Variants in LUZP2 observed in about 807,000 individuals in gnomAD.
The protein encoded by LUZP2 is leucine zipper protein 2.
Under a neutral mutation model 51.6 loss-of-function variants are expected in LUZP2, and 52 were observed. That is an observed-to-expected ratio of 1.01 (90% CI 0.81 to 1.27). The LOEUF (loss-of-function observed/expected upper bound fraction) is 1.27, where lower values mean the gene tolerates loss of function less well. Among genes scored for constraint, LUZP2 ranks in the 50% most tolerant of loss-of-function variants. The probability of loss-of-function intolerance (pLI) is 0.00; values close to 1 mark genes in which losing one functional copy is unlikely to be tolerated. For synonymous variants in LUZP2, 154 were observed against 137.3 expected, an observed-to-expected ratio of 1.12 and a Z score of -0.85; for missense variants, 436 against 395.4, an observed-to-expected ratio of 1.10 and a Z score of -0.87.
At chr11:25,053,544 T>C (rs1230878385) in intron 10 of LUZP2, among the ~76,000 whole-genome samples, 1,040 of 32,958 alleles carry the variant, frequency 0.032, 8 homozygotes, top group African/African-American at 0.1. Context: ...CCACATGCCT[T>C]TTTTTTTTTT....
chr11:24,855,978 G>A (rs2220295), intron 5 of LUZP2, among the ~76,000 whole-genome samples: 148,364 of 152,244 alleles, frequency 0.97, 72,329 homozygotes, highest in Middle Eastern at 1. Flanking sequence ...AGACTTAAAT[G>A]TAAAACCTGT....
Position 24,658,484 on chromosome 11 carries a change from C to T in LUZP2, c.63-70685C>T, listed in dbSNP as rs1158513655. On this transcript the variant is annotated intron_variant, in intron 1 of 11. Coordinates refer to ENST00000336930, the MANE Select transcript of LUZP2 (RefSeq NM_001009909.4). The stretch of plus-strand genomic sequence containing the variant: ...AACCATAAAAACCCTAGAAGAAAAC[C>T]TAGGCAATACCATTCAGGACATAGG... Among the ~76,000 whole-genome samples, 6 of 152,170 alleles carry T rather than the reference C, an allele frequency of 3.9e-5. No homozygotes were observed. The East Asian group carries it at 7.7e-4, about 20-fold the overall frequency.
chr11:24,685,206 C>T (rs1384052633), intron 1 of LUZP2, among the ~76,000 whole-genome samples: 1 of 152,086 alleles, frequency 6.6e-6, no homozygotes, highest in Non-Finnish European at 1.5e-5. Context: ...ACTTCCAAAG[C>T]CAACTTTCTT....
chr11:24,740,899 T>C (rs751977678), intron 4 of LUZP2, among the ~76,000 whole-genome samples: 19 of 152,190 alleles, frequency 1.2e-4, no homozygotes, highest in Non-Finnish European at 2.1e-4. Flanking sequence ...GCATGCACTG[T>C]TGAGCAGAAG....
At position 24,715,384 on chromosome 11, in the gene LUZP2, A is replaced by G. The variant is rs570261652; in HGVS notation, c.63-13785A>G. On this transcript the variant is annotated intron_variant, in intron 1 of 11. Coordinates refer to ENST00000336930, the MANE Select transcript of LUZP2 (RefSeq NM_001009909.4). ...ATTCATATTCTATAGGAAGTAATTC[A>G]AATTTCTGACCATGCCCTTCAAGAG... Among the ~76,000 whole-genome samples, 17 of 152,008 alleles carry G rather than the reference A, an allele frequency of 1.1e-4. No individual in the cohort carries two copies. In the South Asian group the frequency reaches 3.1e-3, roughly 28 times the overall value.
At chr11:24,580,164 T>G (rs1029497718) in intron 1 of LUZP2, among the ~76,000 whole-genome samples, 1 of 152,128 alleles carries the variant, frequency 6.6e-6, no homozygotes, top group Non-Finnish European at 1.5e-5. Context: ...TACAATGTAA[T>G]CCACAGATGT....
intron 5 of LUZP2, among the ~76,000 whole-genome samples, chr11:24,896,597 C>T (rs373563332): frequency 2.2e-4 from 33 of 152,256 alleles, no homozygotes; most frequent in East Asian, 1.7e-3. Context: ...CATGGGATAC[C>T]GCATGGCCCC....
intron 4 of LUZP2, among the ~76,000 whole-genome samples, chr11:24,755,446 G>C (rs57808317): frequency 0.082 from 12,521 of 152,122 alleles, 866 homozygotes; most frequent in East Asian, 0.42. Flanking sequence ...TCTGAGCTTG[G>C]TTTCCCCTAA....
intron 9 of LUZP2, among the ~76,000 whole-genome samples, chr11:25,006,318 T>G (rs1363405484): frequency 6.6e-6 from 1 of 152,050 alleles, no homozygotes; most frequent in African/African-American, 2.4e-5. Context: ...AGGGTCAGGA[T>G]AGATAGGATA....
At chr11:24,512,340 T>TC (rs1009240802) in intron 1 of LUZP2, among the ~76,000 whole-genome samples, 1 of 151,918 alleles carries the variant, frequency 6.6e-6, no homozygotes, top group African/African-American at 2.4e-5. Flanking sequence ...AAACCTTCAT[T>TC]TTTTTATAAA....
chr11:24,693,329 T>C (rs1166115316), intron 1 of LUZP2, among the ~76,000 whole-genome samples: 1 of 151,570 alleles, frequency 6.6e-6, no homozygotes, highest in East Asian at 1.9e-4. Flanking sequence ...CAGAGGCAGC[T>C]GATCTTTTTC....
chr11:24,900,431 A>C (rs1200591370), intron 5 of LUZP2, among the ~76,000 whole-genome samples: 1 of 152,128 alleles, frequency 6.6e-6, no homozygotes, highest in Non-Finnish European at 1.5e-5. Context: ...ACCTTGCAGC[A>C]TGTTTGTTTA....
intron 1 of LUZP2, among the ~76,000 whole-genome samples, chr11:24,554,559 T>C (rs182235371): frequency 5.9e-5 from 9 of 152,184 alleles, no homozygotes; most frequent in African/African-American, 2.2e-4. Context: ...CTAGATGTCC[T>C]TTCTATCTAC....
intron 5 of LUZP2, among the ~76,000 whole-genome samples, chr11:24,853,322 T>A (rs1851451509): frequency 6.6e-6 from 1 of 152,120 alleles, no homozygotes; most frequent in Non-Finnish European, 1.5e-5. Flanking sequence ...AGTTTCACCT[T>A]CACTTATGAA....
At position 24,898,477 on chromosome 11, in the gene LUZP2, A is replaced by C. The variant is rs1232027000; in HGVS notation, c.397-7514A>C. On this transcript the variant is annotated intron_variant, in intron 5 of 11. Transcript: ENST00000336930. ...GTCTCTACTAAAAATACAAAAAATT[A>C]GCTGGGCGTGGTGGTGGGCGCCTGT... is the stretch of plus-strand genomic sequence containing the variant. 1.3e-5 allele frequency among the ~76,000 whole-genome samples: 2 copies of C among 152,180 alleles called. 1 individual carries two copies. Among genetic ancestry groups the C allele is most frequent in the Admixed American group, 1.3e-4 (2 of 15,282 alleles).
intron 5 of LUZP2, among the ~76,000 whole-genome samples, chr11:24,830,009 C>T (rs556982410): frequency 2.3e-4 from 35 of 152,034 alleles, no homozygotes; most frequent in Non-Finnish European, 5.0e-4. Context: ...GATTTAAAGA[C>T]TTAGTGAAAT....
chr11:24,609,884 A>G (rs1854060397), intron 1 of LUZP2, among the ~76,000 whole-genome samples: 1 of 152,196 alleles, frequency 6.6e-6, no homozygotes, highest in African/African-American at 2.4e-5. Flanking sequence ...GACTGGCATT[A>G]AAGATTATCC....
At chr11:24,919,709 T>G (rs1397682652) in intron 7 of LUZP2, among the ~76,000 whole-genome samples, 1 of 150,006 alleles carries the variant, frequency 6.7e-6, no homozygotes, top group East Asian at 2.0e-4. Flanking sequence ...TGAAAAATCC[T>G]TTCTTATTTT....
chr11:24,946,390 T>C (rs1355724084), intron 7 of LUZP2, among the ~76,000 whole-genome samples: 1 of 152,022 alleles, frequency 6.6e-6, no homozygotes, highest in Non-Finnish European at 1.5e-5. Context: ...GTTTCTGATA[T>C]GTCTCATGAC....
Sources: gnomAD v4.1 joint callset for allele counts (sites outside exome capture counted in the v4.1 genomes callset) on GRCh38, gnomAD v4.1.1 for gene constraint, MANE v1.5 for transcripts, NCBI Gene and HGNC (gene_info 2026-07-23, HGNC 2026-07-21) for gene names.